Variants in CD2AP observed in about 807,000 individuals in gnomAD.
The protein encoded by CD2AP is CD2-associated protein.
A neutral mutation model predicts 85.1 loss-of-function variants in CD2AP; 46 were observed. The ratio of observed to expected loss-of-function variants is 0.54; its 90% CI spans 0.43 to 0.69. The LOEUF is 0.69. Among genes scored for constraint, CD2AP ranks in the 30% least tolerant of loss-of-function variants. The pLI, the probability that CD2AP is intolerant of heterozygous loss-of-function variation, is 0.00. For missense variants in CD2AP, 769 were observed against 729.5 expected (o/e 1.05, Z -0.62); for synonymous variants, 255 against 252.9 (o/e 1.01, Z -0.08).
chr6:47,600,633 T>C (rs1348874256), intron 13 of CD2AP, among the ~76,000 whole-genome samples: 3 of 151,972 alleles, frequency 2.0e-5, no homozygotes, highest in African/African-American at 7.2e-5. Context: ...GAGAAACTCA[T>C]TGAAATTTAT....
chr6:47,522,595 T>C (rs908824327), intron 2 of CD2AP, among the ~76,000 whole-genome samples: 17 of 152,154 alleles, frequency 1.1e-4, no homozygotes, highest in African/African-American at 3.9e-4. Flanking sequence ...TTCTAGACTT[T>C]TTGATATAGT....
intron 3 of CD2AP, among the ~76,000 whole-genome samples, chr6:47,537,737 G>GT (rs1767090793): frequency 6.6e-6 from 1 of 151,910 alleles, no homozygotes; most frequent in South Asian, 2.1e-4. Context: ...ATCTTGAACA[G>GT]TTTGAGCCTT....
chr6:47,592,919 T>C (rs936664455), intron 11 of CD2AP, among the ~76,000 whole-genome samples: 1 of 152,138 alleles, frequency 6.6e-6, no homozygotes, highest in Non-Finnish European at 1.5e-5. Context: ...TAACAAGTTA[T>C]CAAACCCAAG....
chr6:47,527,886 AAATC>A (rs1766770517), intron 2 of CD2AP, among the ~76,000 whole-genome samples: 1 of 152,166 alleles, frequency 6.6e-6, no homozygotes, highest in African/African-American at 2.4e-5. Flanking sequence ...TCACTAGTAA[AAATC>A]AAGTCGTCGT....
chr6:47,521,704 A>G (rs1766601241), intron 2 of CD2AP, among the ~76,000 whole-genome samples: 1 of 152,134 alleles, frequency 6.6e-6, no homozygotes, highest in Admixed American at 6.5e-5. Flanking sequence ...TTAAGTTATG[A>G]CTTGCTTCTG....
Position 47,580,400 on chromosome 6 carries a change from A to G in CD2AP, c.1009-464A>G, listed in dbSNP as rs1245063475. ...TTAACTGTTCCTTTGAGAGTTCCAA[A>G]GAGTTAAGAGTGAAAACTAAGTCTA... On this transcript the variant is annotated intron_variant, in intron 9 of 17. Transcript: ENST00000359314. 3.3e-5 allele frequency among the ~76,000 whole-genome samples: 5 copies of G among 152,138 alleles called. No homozygotes were observed. The East Asian group carries it at 9.6e-4, about 29-fold the overall frequency.
chr6:47,561,361 C>T (rs1439116513), intron 5 of CD2AP, among the ~76,000 whole-genome samples: 1 of 152,140 alleles, frequency 6.6e-6, no homozygotes, highest in Non-Finnish European at 1.5e-5. Flanking sequence ...GTCATTTTGA[C>T]ATGTCTCCAT....
intron 3 of CD2AP, among the ~76,000 whole-genome samples, chr6:47,542,379 C>A (rs1397931332): frequency 2.0e-5 from 3 of 152,106 alleles, no homozygotes; most frequent in Non-Finnish European, 2.9e-5. Flanking sequence ...TTAATTCATT[C>A]AAAAATATGT....
intron 2 of CD2AP, among the ~76,000 whole-genome samples, chr6:47,513,980 T>C (rs978218243): frequency 1.3e-5 from 2 of 152,138 alleles, no homozygotes; most frequent in Non-Finnish European, 2.9e-5. Context: ...AGGCATCTTT[T>C]CACATTTCAG....
chr6:47,572,710 T>C (rs1582575243), intron 5 of CD2AP, among the ~76,000 whole-genome samples: 1 of 152,328 alleles, frequency 6.6e-6, no homozygotes, highest in East Asian at 1.9e-4. Context: ...ACTGACTACC[T>C]GTAGGTCCCT....
chr6:47,531,798 C>T (rs755314914), intron 2 of CD2AP, among the ~76,000 whole-genome samples: 1 of 152,042 alleles, frequency 6.6e-6, no homozygotes. Context: ...TTCGGCCGGG[C>T]GTGGTGGCTC....
chr6:47,485,088 G>A (rs1765534234), intron 1 of CD2AP, among the ~76,000 whole-genome samples: 1 of 152,140 alleles, frequency 6.6e-6, no homozygotes, highest in Admixed American at 6.5e-5. Flanking sequence ...ACATTTATAT[G>A]TAGTACATAT....
chr6:47,609,419 G>T, intron 16 of CD2AP, 115 bp downstream of exon 16: 1 of 773,938 alleles, frequency 1.3e-6, no homozygotes, highest in Non-Finnish European at 2.2e-6. Context: ...GTTCGCGCCT[G>T]TAATCCCAGC....
At chr6:47,510,959 G>A (rs1766296670) in intron 2 of CD2AP, among the ~76,000 whole-genome samples, 1 of 151,028 alleles carries the variant, frequency 6.6e-6, no homozygotes, top group South Asian at 2.1e-4. Flanking sequence ...TGTAGTCCCA[G>A]CTACTCAGGA....
chr6:47,479,332 T>C (rs1009999057), intron 1 of CD2AP, among the ~76,000 whole-genome samples: 10 of 152,230 alleles, frequency 6.6e-5, no homozygotes, highest in Admixed American at 3.3e-4. Context: ...GCAGGACGAA[T>C]ACAGACTACT....
chr6:47,484,423 C>A (rs1162878040), intron 1 of CD2AP, among the ~76,000 whole-genome samples: 11 of 150,228 alleles, frequency 7.3e-5, no homozygotes, highest in Non-Finnish European at 1.5e-5. Flanking sequence ...CTACACTCTT[C>A]CTGACCATTT....
chr6:47,625,536 T>G lies in CD2AP; in HGVS notation c.*1309T>G, dbSNP rs528576485. 6.6e-6 allele frequency: 1 copy of G among 151,972 alleles called. No individual in the cohort carries two copies. Among genetic ancestry groups the G allele is most frequent in the East Asian group, 1.9e-4 (1 of 5,188 alleles). 9.4% of individuals were successfully genotyped at this position (151,972 alleles called of 1,614,324 possible). A position where few individuals can be genotyped will look rare whatever the true frequency, so the allele number is the denominator to read the frequency against. ...CTGTAGGTAACATCTAAAACACAAG[T>G]GGGTTTATTTAAATTTTTAAAATTT... is the stretch of plus-strand genomic sequence containing the variant. On this transcript the variant is annotated 3_prime_UTR_variant, in exon 18 of 18. Transcript: ENST00000359314.
At position 47,624,401 on chromosome 6, in the gene CD2AP, T is replaced by C; in HGVS notation, c.*174T>C. On this transcript the variant is annotated 3_prime_UTR_variant, in exon 18 of 18. Coordinates refer to ENST00000359314, the MANE Select transcript of CD2AP (RefSeq NM_012120.3). ...GGTGAATTTATATATATATTTTGTT[T>C]TGCCAATATGAAGAAAAAGAGGCCT... 1.7e-6 allele frequency: 1 copy of C among 578,764 alleles called. No individual in the cohort carries two copies. Among genetic ancestry groups the C allele is most frequent in the East Asian group, 2.9e-5 (1 of 34,976 alleles). The allele number at this position is 578,764 out of a possible 1,614,324, so 35.9% of individuals were successfully genotyped here. A position where few individuals can be genotyped will look rare whatever the true frequency, so the allele number is the denominator to read the frequency against.
chr6:47,481,700 C>T (rs1323513640), intron 1 of CD2AP, among the ~76,000 whole-genome samples: 1 of 152,014 alleles, frequency 6.6e-6, no homozygotes, highest in Non-Finnish European at 1.5e-5. Flanking sequence ...ATATGCACTT[C>T]TATAATAGAG....
Sources: gnomAD v4.1 joint callset for allele counts (sites outside exome capture counted in the v4.1 genomes callset) on GRCh38, gnomAD v4.1.1 for gene constraint, MANE v1.5 for transcripts, NCBI Gene and HGNC (gene_info 2026-07-23, HGNC 2026-07-21) for gene names.